The following CHD6 variants were observed in gnomAD, a reference collection of about 807,000 sequenced individuals.
CHD6 encodes the protein chromodomain helicase DNA binding protein 6, also known as ATP-dependent chromatin remodeler CHD6.
Under a neutral mutation model 276.9 loss-of-function variants are expected in CHD6, and 50 were observed. The observed-to-expected ratio is 0.18, with a 90% confidence interval of 0.14 to 0.23. The LOEUF is 0.23. CHD6 is among the 10% of genes least tolerant of loss of function. The pLI, the probability that CHD6 is intolerant of heterozygous loss-of-function variation, is 1.00. For missense variants in CHD6, 2,564 were observed against 3,365.8 expected (o/e 0.76, Z 5.89); for synonymous variants, 1,173 against 1,229.3 (o/e 0.95, Z 0.96).
intron 1 of CHD6, among the ~76,000 whole-genome samples, chr20:41,610,435 T>C (rs557829493): frequency 6.6e-6 from 1 of 152,192 alleles, no homozygotes; most frequent in African/African-American, 2.4e-5. Context: ...GCTTGGTAAA[T>C]GTTATTTTAA....
chr20:41,439,188 T>G (rs2047817563), intron 26 of CHD6, among the ~76,000 whole-genome samples: 1 of 152,038 alleles, frequency 6.6e-6, no homozygotes, highest in Non-Finnish European at 1.5e-5. Context: ...AAACCCCATC[T>G]CTACTAAAAA....
At chr20:41,613,610 G>A (rs541286280) in intron 1 of CHD6, among the ~76,000 whole-genome samples, 2 of 152,342 alleles carry the variant, frequency 1.3e-5, no homozygotes, top group African/African-American at 4.8e-5. Context: ...AGTGATCAAG[G>A]CTGAGACTGC....
chr20:41,551,236 T>G, intron 2 of CHD6, 69 bp downstream of exon 2: 1 of 990,074 alleles, frequency 1.0e-6, no homozygotes, highest in Non-Finnish European at 1.6e-6. Context: ...ACACTGCCAG[T>G]GTCTCCCCTT....
At chr20:41,429,521 C>G (rs1396601871) in intron 27 of CHD6, among the ~76,000 whole-genome samples, 1 of 152,078 alleles carries the variant, frequency 6.6e-6, no homozygotes, top group Admixed American at 6.6e-5. Flanking sequence ...CTGGAAGGCG[C>G]TGGAATAGCA....
At chr20:41,591,223 A>T (rs1262526426) in intron 1 of CHD6, among the ~76,000 whole-genome samples, 1 of 51,058 alleles carries the variant, frequency 2.0e-5, no homozygotes, top group African/African-American at 7.6e-5. Flanking sequence ...GGGTGGGGGG[A>T]GGGGGGAGGG....
rs1324681460 is a variant in CHD6, at chr20:41,555,323, C to T, written c.-23-3963G>A. Among the ~76,000 whole-genome samples, 124 of 136,082 alleles carry T rather than the reference C, an allele frequency of 9.1e-4. 2 individuals carry two copies. In the East Asian group the frequency reaches 0.027, roughly 30 times the overall value. The allele number at this position is 136,082 out of a possible 152,430, so 89.3% of individuals were successfully genotyped here. ...AGTAGGGGCGGCCGGGCAGAGGCGCCCCTCACCTCCCGGACGGGGCGGCCG... is the reference window on the plus strand; with the variant it reads ...AGTAGGGGCGGCCGGGCAGAGGCGCTCCTCACCTCCCGGACGGGGCGGCCG... On this transcript the variant is annotated intron_variant, in intron 1 of 36. Transcript: ENST00000373233.
intron 1 of CHD6, among the ~76,000 whole-genome samples, chr20:41,588,599 T>C (rs943298558): frequency 4.5e-4 from 68 of 152,296 alleles, no homozygotes; most frequent in Non-Finnish European, 1.8e-4. Flanking sequence ...AGAAAACTAC[T>C]ACAGGAGAGT....
chr20:41,543,294 T>C (rs1181750343), intron 2 of CHD6, among the ~76,000 whole-genome samples: 1 of 152,086 alleles, frequency 6.6e-6, no homozygotes, highest in African/African-American at 2.4e-5. Context: ...GGCTAGTAAG[T>C]GGTAAAGCTA....
chr20:41,484,495 T>C lies in CHD6; in HGVS notation c.2114A>G (p.Asn705Ser). ...QETIIEVELT[N>S]IQKKYYRAIL... The stretch of plus-strand genomic sequence containing the variant: ...GGCACGGTAGTACTTTTTCTGGATA[T>C]TGGTCAGTTCCACCTCAATGATCGT... Residue 705 changes from asparagine to serine, a missense_variant, in exon 15 of 37, where the codon AAT (asparagine) becomes AGT (serine). Physicochemically the swap from Asn to Ser is conservative, Grantham distance 46 (BLOSUM62 1). This residue lies in a region of CHD6 where 457 missense variants were observed against 889.0 expected (regional missense o/e 0.51). Coordinates refer to ENST00000373233, the MANE Select transcript of CHD6 (RefSeq NM_032221.5). The C allele has an allele frequency of 6.2e-7, 1 of 1,613,928 alleles. No individual in the cohort carries two copies. Among genetic ancestry groups the C allele is most frequent in the Non-Finnish European group, 8.5e-7 (1 of 1,179,864 alleles).
At chr20:41,410,333 C>T (rs61609888) in intron 36 of CHD6, among the ~76,000 whole-genome samples, 1 of 152,132 alleles carries the variant, frequency 6.6e-6, no homozygotes, top group African/African-American at 2.4e-5. Context: ...AGACACCAGT[C>T]TGGATGATGT....
In CHD6 at chr20:41,423,499, T is replaced by C. The variant is rs755725503; in HGVS notation, c.4548A>G (p.Lys1516=). The C allele has an allele frequency of 8.7e-6, 14 of 1,614,070 alleles. No individual in the cohort carries two copies. The highest frequency in any genetic ancestry group is 1.0e-5 in the Non-Finnish European group (12 of 1,179,880). ...CRNVCRLPTW[K]DGGPPDTTIY... ...TACTGATAGTTTTCTCACCGCCATC[T>C]TTCCATGTGGGTAGACGACAGACAT... Residue 1516 remains lysine (K), a synonymous_variant, in exon 30 of 37, where the codon AAA becomes AAG. Coordinates refer to ENST00000373233, the MANE Select transcript of CHD6 (RefSeq NM_032221.5).
At chr20:41,460,381 T>C (rs886488709) in intron 17 of CHD6, among the ~76,000 whole-genome samples, 3 of 152,178 alleles carry the variant, frequency 2.0e-5, no homozygotes, top group African/African-American at 7.2e-5. Context: ...ATGTGGAAAG[T>C]CTTTAGGCCA....
rs1403153686 is a variant in CHD6, at chr20:41,415,277, G to A, written c.6848C>T (p.Ala2283Val). Residue 2283 changes from alanine (A) to valine (V), a missense_variant, in exon 34 of 37, where the codon GCC becomes GTC. Ala to Val is a moderately conservative substitution (Grantham distance 64). Coordinates refer to ENST00000373233, the MANE Select transcript of CHD6 (RefSeq NM_032221.5). The part of the protein sequence containing the change: ...VNGSLRRDDA[A>V]TRRRRGRRKH... ...CCGCCTCCCTCTCCGCCTCCTCGTG[G>A]CTGCATCATCTCTTCTGAGGCTTCC... The A allele has an allele frequency of 1.2e-6, 2 of 1,613,960 alleles. No individual in the cohort carries two copies. The highest frequency in any genetic ancestry group is 1.7e-5 in the Admixed American group (1 of 59,998).
At chr20:41,501,091 G>C (rs1402594867) in intron 5 of CHD6, among the ~76,000 whole-genome samples, 2 of 152,134 alleles carry the variant, frequency 1.3e-5, no homozygotes, top group East Asian at 3.9e-4. Context: ...ACAGGTGCTA[G>C]GTTAAGAGAA....
Position 41,607,056 on chromosome 20 carries a change from C to A in CHD6, c.-24+11284G>T, listed in dbSNP as rs1373868953. ...TTAAAGCCTTTCTCAACATCTCCAA[C>A]CTATCCCTCCTCCAGCCCCTCACCT... On this transcript the variant is annotated intron_variant, in intron 1 of 36. Coordinates refer to ENST00000373233, the MANE Select transcript of CHD6 (RefSeq NM_032221.5). Among the ~76,000 whole-genome samples, 6 of 152,088 alleles carry A rather than the reference C, an allele frequency of 3.9e-5. 1 individual carries two copies. Among genetic ancestry groups the A allele is most frequent in the African/African-American group, 1.4e-4 (6 of 41,402 alleles).
At chr20:41,526,047 G>A (rs187746807) in intron 3 of CHD6, among the ~76,000 whole-genome samples, 5 of 152,186 alleles carry the variant, frequency 3.3e-5, no homozygotes, top group African/African-American at 9.6e-5. Context: ...GGATAAATGA[G>A]TAGGCATTTA....
intron 1 of CHD6, among the ~76,000 whole-genome samples, chr20:41,607,288 C>T (rs1359287798): frequency 6.6e-6 from 1 of 152,206 alleles, no homozygotes; most frequent in Non-Finnish European, 1.5e-5. Flanking sequence ...ACTCCCCTGG[C>T]TTAACGGTTG....
intron 22 of CHD6, 93 bp from the exon 23 acceptor site, chr20:41,451,198 G>GCCCAACTCTGTTCTA: frequency 8.8e-7 from 1 of 1,133,062 alleles, no homozygotes; most frequent in Non-Finnish European, 1.3e-6. Flanking sequence ...TGTTAGAACA[G>GCCCAACTCTGTTCTA]AGTTGGGCTG....
chr20:41,419,938 A>G (rs1249974397), intron 31 of CHD6, among the ~76,000 whole-genome samples: 2 of 152,240 alleles, frequency 1.3e-5, no homozygotes, highest in African/African-American at 4.8e-5. Context: ...CTATAGGATC[A>G]GATCTATTTT....
Sources: gnomAD v4.1 joint callset for allele counts (sites outside exome capture counted in the v4.1 genomes callset) on GRCh38, gnomAD v4.1.1 for gene constraint, gnomAD v4.1.1 regional missense constraint, MANE v1.5 for transcripts, NCBI Gene and HGNC (gene_info 2026-07-23, HGNC 2026-07-21) for gene names.